Variants in RSPO4 observed in about 807,000 individuals in gnomAD.
RSPO4 encodes the protein R-spondin-4.
Under a neutral mutation model 24.8 loss-of-function variants are expected in RSPO4, and 23 were observed. The observed-to-expected ratio is 0.93, with a 90% CI of 0.67 to 1.31. The LOEUF (loss-of-function observed/expected upper bound fraction) is 1.31, where lower values mean the gene tolerates loss of function less well. RSPO4 is among the 40% of genes most tolerant of loss of function. RSPO4 has a pLI of 0.00. For synonymous variants in RSPO4, 141 were observed against 127.4 expected (o/e 1.11, Z -0.72); for missense variants, 333 against 316.5 (o/e 1.05, Z -0.39).
At chr20:977,547 G>A (rs890493902) in intron 1 of RSPO4, among the ~76,000 whole-genome samples, 1 of 152,168 alleles carries the variant, frequency 6.6e-6, no homozygotes, top group Non-Finnish European at 1.5e-5. Context: ...TGCCCTGCCT[G>A]TGTTGGCATT....
At chr20:975,340 T>C (rs1301323565) in intron 1 of RSPO4, among the ~76,000 whole-genome samples, 2 of 152,186 alleles carry the variant, frequency 1.3e-5, no homozygotes, top group Non-Finnish European at 2.9e-5. Context: ...ATTCAAGCTC[T>C]AGTTGCAACC....
chr20:990,003 G>A (rs1449659856), intron 1 of RSPO4, among the ~76,000 whole-genome samples: 2 of 152,204 alleles, frequency 1.3e-5, no homozygotes, highest in East Asian at 1.9e-4. Flanking sequence ...CCACAAGGTG[G>A]GGGCTACACT....
intron 1 of RSPO4, among the ~76,000 whole-genome samples, chr20:976,364 T>A (rs1984559702): frequency 6.6e-6 from 1 of 152,166 alleles, no homozygotes; most frequent in Admixed American, 6.5e-5. Context: ...GCCCTCTGGA[T>A]GGTGAAGTGC....
chr20:994,558 C>G (rs1292407593), intron 1 of RSPO4, among the ~76,000 whole-genome samples: 1 of 152,124 alleles, frequency 6.6e-6, no homozygotes, highest in African/African-American at 2.4e-5. Flanking sequence ...AGCTTCCATC[C>G]TGTCTTAATT....
intron 1 of RSPO4, among the ~76,000 whole-genome samples, chr20:973,328 C>T (rs1269074644): frequency 1.3e-5 from 2 of 152,242 alleles, no homozygotes; most frequent in African/African-American, 4.8e-5. Context: ...TCACTCAGCA[C>T]AACTCCTGCA....
chr20:965,043 A>G (rs1984150845), intron 3 of RSPO4, among the ~76,000 whole-genome samples: 1 of 152,066 alleles, frequency 6.6e-6, no homozygotes, highest in Non-Finnish European at 1.5e-5. Flanking sequence ...CACATTTGAC[A>G]AGTAAAGACT....
At chr20:988,168 G>A (rs899431056) in intron 1 of RSPO4, among the ~76,000 whole-genome samples, 1 of 152,216 alleles carries the variant, frequency 6.6e-6, no homozygotes, top group Non-Finnish European at 1.5e-5. Flanking sequence ...ACTGAGGGGA[G>A]AGTGGTGGGT....
In RSPO4 at chr20:987,368, T is replaced by C. The variant is rs575190194; in HGVS notation, c.79+14718A>G. On this transcript the variant is annotated intron_variant, in intron 1 of 4. Transcript: ENST00000217260. ...ACAGGAAGCTTTCAATTAGTCCTGC[T>C]GGGCAGCAGCCTTAGAGGGTAGAGG... is the stretch of plus-strand genomic sequence containing the variant. Among the ~76,000 whole-genome samples the C allele has an allele frequency of 5.9e-5, 9 of 152,298 alleles. No individual in the cohort carries two copies. The South Asian group carries it at 1.7e-3, about 28-fold the overall frequency.
At chr20:960,725 T>C (rs1983965793) in intron 4 of RSPO4, among the ~76,000 whole-genome samples, 1 of 152,210 alleles carries the variant, frequency 6.6e-6, no homozygotes. Flanking sequence ...GTGCTGGACA[T>C]CTGGCTCGGC....
chr20:968,976 C>T (rs1384355899), intron 1 of RSPO4, among the ~76,000 whole-genome samples: 1 of 152,182 alleles, frequency 6.6e-6, no homozygotes, highest in South Asian at 2.1e-4. Context: ...ACCCCAGGAC[C>T]CTGATTAAGC....
At chr20:969,156 A>G (rs994127702) in intron 1 of RSPO4, among the ~76,000 whole-genome samples, 37 of 152,334 alleles carry the variant, frequency 2.4e-4, no homozygotes, top group African/African-American at 8.7e-4. Flanking sequence ...TCTCTACAAA[A>G]AATACAAAAA....
chr20:964,881 G>C (rs898504914), intron 3 of RSPO4, among the ~76,000 whole-genome samples: 1 of 148,934 alleles, frequency 6.7e-6, no homozygotes, highest in African/African-American at 2.5e-5. Context: ...TGAGAAGTAG[G>C]CACAGAATAT....
At chr20:962,301 T>G (rs887404003) in intron 4 of RSPO4, among the ~76,000 whole-genome samples, 1 of 152,202 alleles carries the variant, frequency 6.6e-6, no homozygotes, top group Non-Finnish European at 1.5e-5. Context: ...GAGGAGCCAC[T>G]GCAGCCAAGA....
At chr20:975,776 T>C (rs1984544603) in intron 1 of RSPO4, among the ~76,000 whole-genome samples, 1 of 152,194 alleles carries the variant, frequency 6.6e-6, no homozygotes, top group African/African-American at 2.4e-5. Context: ...TTATGAGCTT[T>C]GGGGCAGTTG....
At chr20:989,620 C>T (rs1985032876) in intron 1 of RSPO4, among the ~76,000 whole-genome samples, 1 of 152,160 alleles carries the variant, frequency 6.6e-6, no homozygotes, top group African/African-American at 2.4e-5. Flanking sequence ...ACCTTGGAAA[C>T]CTCTCCTGGC....
At chr20:991,573 T>A (rs1012156077) in intron 1 of RSPO4, among the ~76,000 whole-genome samples, 3 of 151,710 alleles carry the variant, frequency 2.0e-5, no homozygotes, top group Admixed American at 1.3e-4. Flanking sequence ...AAATAAAATT[T>A]AAAATTAAAA....
intron 1 of RSPO4, among the ~76,000 whole-genome samples, chr20:985,299 A>G (rs1346323820): frequency 1.3e-5 from 2 of 149,380 alleles, no homozygotes; most frequent in African/African-American, 5.0e-5. Flanking sequence ...CCATCCATCC[A>G]TCCATCTATC....
intron 2 of RSPO4, 118 bp from the exon 3 acceptor site, chr20:967,432 G>T (rs139517119): frequency 1.9e-6 from 2 of 1,061,538 alleles, no homozygotes; most frequent in Non-Finnish European, 2.9e-6. Flanking sequence ...TTTGGGTCAG[G>T]ACTCAGTGTC....
At chr20:962,612 T>C (rs969155638) in intron 4 of RSPO4, among the ~76,000 whole-genome samples, 10 of 152,072 alleles carry the variant, frequency 6.6e-5, no homozygotes, top group African/African-American at 2.4e-4. Context: ...CCTCACTCTG[T>C]CCTCACCTGC....
Sources: allele counts gnomAD v4.1 joint callset (sites outside exome capture counted in the v4.1 genomes callset), GRCh38; gene constraint gnomAD v4.1.1; transcripts MANE v1.5; gene names NCBI Gene and HGNC (gene_info 2026-07-23, HGNC 2026-07-21).